The following CXCL16 variants were observed in gnomAD, a reference collection of about 807,000 sequenced individuals.
CXCL16 encodes C-X-C motif chemokine 16.
A neutral mutation model predicts 23.8 loss-of-function variants in CXCL16; 18 were observed. The ratio of observed to expected loss-of-function variants is 0.76; its 90% CI spans 0.52 to 1.12. CXCL16 has a LOEUF of 1.12. Among genes scored for constraint, CXCL16 ranks in the 50% most tolerant of loss-of-function variants. The probability of loss-of-function intolerance (pLI) is 0.00; values close to 1 mark genes in which losing one functional copy is unlikely to be tolerated. For synonymous variants in CXCL16, 123 were observed against 132.5 expected (o/e 0.93, Z 0.49); for missense variants, 297 against 315.4 (o/e 0.94, Z 0.44).
chr17:4,735,013 C>T, intron 4 of CXCL16, 79 bp downstream of exon 4: 1 of 1,402,806 alleles, frequency 7.1e-7, no homozygotes, highest in Non-Finnish European at 9.7e-7. Context: ...GGTTTCCAGC[C>T]ACCTGAGAGC....
chr17:4,733,534 T>C lies in CXCL16; in HGVS notation c.*969A>G, dbSNP rs1248039092. On this transcript the variant is annotated 3_prime_UTR_variant, in exon 6 of 6. Coordinates refer to ENST00000293778, the MANE Select transcript of CXCL16 (RefSeq NM_001386809.1). ...CTAATGAAAATACATACTTCTTCAT[T>C]CGGAGAGACAAAACAAGAACTAGAG... 1 of 206,974 alleles carries C rather than the reference T, an allele frequency of 4.8e-6. No homozygotes were observed. Among genetic ancestry groups the C allele is most frequent in the African/African-American group, 2.3e-5 (1 of 43,272 alleles). 12.8% of individuals were successfully genotyped at this position (206,974 alleles called of 1,614,324 possible).
In CXCL16 at chr17:4,738,525, C is replaced by T. The variant is rs780589545; in HGVS notation, c.219-35G>A. 2.0e-6 allele frequency: 3 copies of T among 1,511,462 alleles called. No homozygotes were observed. Among genetic ancestry groups the T allele is most frequent in the South Asian group, 1.1e-5 (1 of 87,814 alleles). The allele number at this position is 1,511,462 out of a possible 1,614,324, so 93.6% of individuals were successfully genotyped here. A position where few individuals can be genotyped will look rare whatever the true frequency, so the allele number is the denominator to read the frequency against. ...AGAGACCTGGGCTTAGCTGCGGCGCCTTCTTTCCTTCCCCGGCTCCTTCCT... is the reference window on the plus strand; with the variant it reads ...AGAGACCTGGGCTTAGCTGCGGCGCTTTCTTTCCTTCCCCGGCTCCTTCCT... On this transcript the variant is annotated intron_variant, in intron 2 of 5. Transcript: ENST00000293778. The surrounding 1 kb of genome is among the most constrained non-coding windows in gnomAD (Gnocchi z 4.0).
Position 4,738,603 on chromosome 17 carries a change from G to A in CXCL16, c.219-113C>T. 2 of 1,021,356 alleles carry A rather than the reference G, an allele frequency of 2.0e-6. No homozygotes were observed. Among genetic ancestry groups the A allele is most frequent in the East Asian group, 5.1e-5 (2 of 39,076 alleles). 63.3% of individuals were successfully genotyped at this position (1,021,356 alleles called of 1,614,324 possible). ...AGAAAGAGCCCTTTCTCCTGGGACT[G>A]GGAAACTCCCCAGTAGGTGAGACGG... On this transcript the variant is annotated intron_variant, in intron 2 of 5. Coordinates refer to ENST00000293778, the MANE Select transcript of CXCL16 (RefSeq NM_001386809.1). The surrounding 1 kb of genome is among the most constrained non-coding windows in gnomAD (Gnocchi z 4.0).
intron 4 of CXCL16, 125 bp downstream of exon 4, chr17:4,734,967 T>G: frequency 1.1e-6 from 1 of 949,572 alleles, no homozygotes; most frequent in East Asian, 2.5e-5. Flanking sequence ...GAGTCAACCT[T>G]GTGCAGACAA....
At position 4,738,417 on chromosome 17, in the gene CXCL16, C is replaced by G. The variant is rs1597500132; in HGVS notation, c.292G>C (p.Asp98His). 6.2e-7 allele frequency: 1 copy of G among 1,613,684 alleles called. No individual in the cohort carries two copies. The highest frequency in any genetic ancestry group is 2.2e-5 in the East Asian group (1 of 44,886). The change falls in exon 3 of 6, where the codon GAT becomes CAT. Residue 98 changes from aspartate (D) to histidine (H), a missense_variant. Physicochemically the swap from Asp to His is moderately conservative, Grantham distance 81 (BLOSUM62 -1). Transcript: ENST00000293778. The surrounding 1 kb of genome is among the most constrained non-coding windows in gnomAD (Gnocchi z 4.0). ...AGTGGAAAAGTCTCACCTTTGAGAT[C>G]AAGACAGCTCATCAATTCCTGAACC... ...PWVQELMSCLDLKECGHAYSG... is the reference protein window; with the variant it reads ...PWVQELMSCLHLKECGHAYSG...
In CXCL16 at chr17:4,738,538, C is replaced by T. The variant is rs201607328; in HGVS notation, c.219-48G>A. On this transcript the variant is annotated intron_variant, in intron 2 of 5. Transcript: ENST00000293778. The surrounding 1 kb of genome is among the most constrained non-coding windows in gnomAD (Gnocchi z 4.0). ...TAGCTGCGGCGCCTTCTTTCCTTCCCCGGCTCCTTCCTCATTCCAGAGGCG... is the reference window on the plus strand; with the variant it reads ...TAGCTGCGGCGCCTTCTTTCCTTCCTCGGCTCCTTCCTCATTCCAGAGGCG... The T allele has an allele frequency of 1.4e-4, 197 of 1,438,678 alleles. 1 individual carries two copies. Among genetic ancestry groups the T allele is most frequent in the Non-Finnish European group, 1.8e-4 (185 of 1,029,282 alleles). 89.1% of individuals were successfully genotyped at this position (1,438,678 alleles called of 1,614,324 possible). A position where few individuals can be genotyped will look rare whatever the true frequency, so the allele number is the denominator to read the frequency against.
In CXCL16 at chr17:4,735,274, A is replaced by C. The variant is rs779624555; in HGVS notation, c.536T>G (p.Leu179Arg). The C allele has an allele frequency of 2.5e-6, 4 of 1,614,040 alleles. No individual in the cohort carries two copies. The highest frequency in any genetic ancestry group is 3.4e-6 in the Non-Finnish European group (4 of 1,180,028). ...CTCCCCAGCCTCAGGCCCAGCTGCC[A>C]GACTGTGGCCCGCAGTGTGAATGGT... ...ETTIHTAGHS[L>R]AAGPEAGENQ... Residue 179 changes from leucine (L) to arginine (R), a missense_variant, in exon 4 of 6, where the codon CTG (leucine) becomes CGG (arginine). By Grantham distance (102) the Leu-to-Arg change is moderately radical (BLOSUM62 -2). Coordinates refer to ENST00000293778, the MANE Select transcript of CXCL16 (RefSeq NM_001386809.1).
Position 4,738,540 on chromosome 17 carries a change from G to C in CXCL16, c.219-50C>G, listed in dbSNP as rs544890776. On this transcript the variant is annotated intron_variant, in intron 2 of 5. Transcript: ENST00000293778. This position sits in a 1 kb window ranked among gnomAD's most constrained non-coding sequence, Gnocchi z 4.0. ...GCTGCGGCGCCTTCTTTCCTTCCCCGGCTCCTTCCTCATTCCAGAGGCGTG... is the reference window on the plus strand; with the variant it reads ...GCTGCGGCGCCTTCTTTCCTTCCCCCGCTCCTTCCTCATTCCAGAGGCGTG... 2.1e-6 allele frequency: 3 copies of C among 1,435,896 alleles called. No homozygotes were observed. Among genetic ancestry groups the C allele is most frequent in the Non-Finnish European group, 2.9e-6 (3 of 1,026,742 alleles). The allele number at this position is 1,435,896 out of a possible 1,614,324, so 88.9% of individuals were successfully genotyped here.
chr17:4,735,192 C>G lies in CXCL16; in HGVS notation c.618G>C (p.Val206=). 1 of 1,614,154 alleles carries G rather than the reference C, an allele frequency of 6.2e-7. No homozygotes were observed. Among genetic ancestry groups the G allele is most frequent in the Non-Finnish European group, 8.5e-7 (1 of 1,180,014 alleles). The change falls in exon 4 of 6, where the codon GTG becomes GTC. Residue 206 remains valine (V), a synonymous_variant. Coordinates refer to ENST00000293778, the MANE Select transcript of CXCL16 (RefSeq NM_001386809.1). ...TGATGGCCAGGAGGCACAGGACTGGCACTGTGGCTGATGTCCTGGCTGTGG... is the reference window on the plus strand; with the variant it reads ...TGATGGCCAGGAGGCACAGGACTGGGACTGTGGCTGATGTCCTGGCTGTGG... ...AGPTARTSAT[V]PVLCLLAIIF...
rs926168158 is a variant in CXCL16 at position 4,739,051 on chromosome 17, C to G, written c.80-131G>C. 3 of 1,230,512 alleles carry G rather than the reference C, an allele frequency of 2.4e-6. No homozygotes were observed. The highest frequency in any genetic ancestry group is 3.4e-6 in the Non-Finnish European group (3 of 893,100). The allele number at this position is 1,230,512 out of a possible 1,614,324, so 76.2% of individuals were successfully genotyped here. A position where few individuals can be genotyped will look rare whatever the true frequency, so the allele number is the denominator to read the frequency against. ...CAGGGTCAGAGCGCCAGGCTCAACC[C>G]ACACATCATCACGCCCCCGACAACA... On this transcript the variant is annotated intron_variant, in intron 1 of 5. Coordinates refer to ENST00000293778, the MANE Select transcript of CXCL16 (RefSeq NM_001386809.1). The surrounding 1 kb of genome is among the most constrained non-coding windows in gnomAD (Gnocchi z 5.3).
chr17:4,738,283 A>T lies in CXCL16; in HGVS notation c.301+125T>A, dbSNP rs1916221767. ...AGGGACTCGAGTCTAAGTACTTTGG[A>T]CAGGATCAGAAGAAGGTTCTAGGAA... On this transcript the variant is annotated intron_variant, in intron 3 of 5. Coordinates refer to ENST00000293778, the MANE Select transcript of CXCL16 (RefSeq NM_001386809.1). This position sits in a 1 kb window ranked among gnomAD's most constrained non-coding sequence, Gnocchi z 4.0. 1 of 724,488 alleles carries T rather than the reference A, an allele frequency of 1.4e-6. No homozygotes were observed. Among genetic ancestry groups the T allele is most frequent in the Non-Finnish European group, 2.4e-6 (1 of 419,962 alleles). 44.9% of individuals were successfully genotyped at this position (724,488 alleles called of 1,614,324 possible).
At chr17:4,734,761 G>T in intron 4 of CXCL16, 109 bp from the exon 5 acceptor site, 1 of 946,062 alleles carries the variant, frequency 1.1e-6, no homozygotes, top group South Asian at 1.3e-5. Context: ...CTATGACCTG[G>T]CCCACAGTAG....
intron 5 of CXCL16, 37 bp from the exon 6 acceptor site, chr17:4,734,516 T>A: frequency 9.6e-7 from 1 of 1,045,508 alleles, no homozygotes; most frequent in South Asian, 1.3e-5. Flanking sequence ...ATGTATACAG[T>A]GCCTACCATG....
Position 4,739,924 on chromosome 17 carries a change from G to A in CXCL16, c.-585C>T. ...ACCTGCGGGGCAGCCACCCGCGGAC[G>A]CACCGAGCCCGGGGGGCGTGGCCGC... On this transcript the variant is annotated 5_prime_UTR_variant, in exon 1 of 6. Coordinates refer to ENST00000293778, the MANE Select transcript of CXCL16 (RefSeq NM_001386809.1). This position sits in a 1 kb window ranked among gnomAD's most constrained non-coding sequence, Gnocchi z 5.3. 1.0e-6 allele frequency: 1 copy of A among 985,300 alleles called. No homozygotes were observed. The highest frequency in any genetic ancestry group is 1.2e-6 in the Non-Finnish European group (1 of 829,992). The allele number at this position is 985,300 out of a possible 1,614,324, so 61.0% of individuals were successfully genotyped here. A position where few individuals can be genotyped will look rare whatever the true frequency, so the allele number is the denominator to read the frequency against.
intron 3 of CXCL16, among the ~76,000 whole-genome samples, chr17:4,736,111 T>G (rs1377984776): frequency 6.7e-6 from 1 of 150,362 alleles, no homozygotes; most frequent in Non-Finnish European, 1.5e-5. Context: ...AAGGGTATGA[T>G]CTAATGGCAA....
Position 4,735,418 on chromosome 17 carries a change from G to A in CXCL16, c.392C>T (p.Ser131Phe), listed in dbSNP as rs1327594547. Residue 131 changes from serine to phenylalanine, a missense_variant, in exon 4 of 6, where the codon TCT (serine) becomes TTT (phenylalanine). Physicochemically the swap from Ser to Phe is radical, Grantham distance 155. Coordinates refer to ENST00000293778, the MANE Select transcript of CXCL16 (RefSeq NM_001386809.1). Reference sequence around the variant, plus strand: ...CTGGGCAGGGGTGTGGATATCTGAAGATGCCCCCTCTGAGGCCTGAGAAAT... The same window carrying A: ...CTGGGCAGGGGTGTGGATATCTGAAAATGCCCCCTCTGAGGCCTGAGAAAT... The part of the protein sequence containing the change: ...PPISQASEGA[S>F]SDIHTPAQML... 1.3e-6 allele frequency: 2 copies of A among 1,538,446 alleles called. No individual in the cohort carries two copies. Among genetic ancestry groups the A allele is most frequent in the Admixed American group, 1.9e-5 (1 of 52,558 alleles).
In CXCL16 at chr17:4,733,747, G is replaced by C. The variant is rs1378267745; in HGVS notation, c.*756C>G. On this transcript the variant is annotated 3_prime_UTR_variant, in exon 6 of 6. Transcript: ENST00000293778. ...TGCGGGTACAGGAGGATGCAGGAGA[G>C]GGCTGAGGTGGGGGAGGAACAACTG... 1 of 153,558 alleles carries C rather than the reference G, an allele frequency of 6.5e-6. No homozygotes were observed. Among genetic ancestry groups the C allele is most frequent in the Non-Finnish European group, 1.5e-5 (1 of 68,904 alleles). 9.5% of individuals were successfully genotyped at this position (153,558 alleles called of 1,614,324 possible). A position where few individuals can be genotyped will look rare whatever the true frequency, so the allele number is the denominator to read the frequency against.
chr17:4,737,257 T>G (rs572725695), intron 3 of CXCL16, among the ~76,000 whole-genome samples: 1 of 152,214 alleles, frequency 6.6e-6, no homozygotes, highest in South Asian at 2.1e-4. Context: ...TGGGATGAAG[T>G]GCAATGATGT....
intron 3 of CXCL16, chr17:4,736,515 A>T (rs1227358368): frequency 6.6e-6 from 1 of 152,228 alleles, no homozygotes; most frequent in Admixed American, 6.5e-5. Flanking sequence ...GCTCTGCTGT[A>T]AAGTAGCTGT....
Sources: allele counts gnomAD v4.1 joint callset (sites outside exome capture counted in the v4.1 genomes callset), GRCh38; gene constraint gnomAD v4.1.1; non-coding constraint Gnocchi (gnomAD v3.1); transcripts MANE v1.5; gene names NCBI Gene and HGNC (gene_info 2026-07-23, HGNC 2026-07-21).